TMEM150C: variants seen among roughly 807,000 people sequenced by gnomAD.
TMEM150C encodes the protein transmembrane protein 150C, also known as tentonin 3.
TMEM150C carries 10 observed loss-of-function variants against 29.9 expected under a neutral mutation model. That is an observed-to-expected ratio of 0.33 (90% CI 0.21 to 0.57). TMEM150C has a LOEUF of 0.57. TMEM150C is among the 20% of genes least tolerant of loss of function. The pLI, the probability that TMEM150C is intolerant of heterozygous loss-of-function variation, is 0.88. For missense variants in TMEM150C, 251 were observed against 303.6 expected, an observed-to-expected ratio of 0.83 and a Z score of 1.29; for synonymous variants, 101 against 112.5, an observed-to-expected ratio of 0.90 and a Z score of 0.64.
intron 1 of TMEM150C, among the ~76,000 whole-genome samples, chr4:82,516,682 A>G (rs1309961472): frequency 6.6e-6 from 1 of 152,200 alleles, no homozygotes; most frequent in Non-Finnish European, 1.5e-5. Flanking sequence ...AGAAGGTAAA[A>G]CTGCAGATCT....
intron 1 of TMEM150C, among the ~76,000 whole-genome samples, chr4:82,549,561 G>C (rs1725501868): frequency 6.6e-6 from 1 of 152,134 alleles, no homozygotes; most frequent in African/African-American, 2.4e-5. Flanking sequence ...TAATATACTT[G>C]GGACTACGGA....
At chr4:82,550,149 T>C (rs1725520688) in intron 1 of TMEM150C, among the ~76,000 whole-genome samples, 1 of 152,176 alleles carries the variant, frequency 6.6e-6, no homozygotes, top group Non-Finnish European at 1.5e-5. Flanking sequence ...AGAGGGCAGT[T>C]TCCCCATGCT....
chr4:82,495,925 T>C, intron 6 of TMEM150C, 143 bp downstream of exon 6: 1 of 1,052,242 alleles, frequency 9.5e-7, no homozygotes, highest in Non-Finnish European at 1.4e-6. Context: ...CGAGTTGCCA[T>C]GGAAAAGAGT....
intron 3 of TMEM150C, 64 bp from the exon 4 acceptor site, chr4:82,502,991 C>A: frequency 6.2e-7 from 1 of 1,601,662 alleles, no homozygotes; most frequent in South Asian, 1.1e-5. Flanking sequence ...TGCAGTTTAA[C>A]CTTCCCAGTG....
chr4:82,509,093 G>T (rs187686966), intron 1 of TMEM150C, among the ~76,000 whole-genome samples: 2 of 152,236 alleles, frequency 1.3e-5, no homozygotes, highest in African/African-American at 2.4e-5. Flanking sequence ...TATTTCTGTC[G>T]CATGTTCTTT....
intron 7 of TMEM150C, among the ~76,000 whole-genome samples, chr4:82,487,492 C>A (rs987141336): frequency 6.6e-6 from 1 of 152,170 alleles, no homozygotes; most frequent in Non-Finnish European, 1.5e-5. Flanking sequence ...TCTGCACACT[C>A]TTTTGAACAA....
intron 6 of TMEM150C, chr4:82,490,787 T>C: frequency 2.3e-6 from 1 of 429,412 alleles, no homozygotes; most frequent in Non-Finnish European, 4.4e-6. Context: ...ATTACTTTAA[T>C]TGTTTTTTAA....
At chr4:82,506,129 GT>G in intron 1 of TMEM150C, among the ~76,000 whole-genome samples, 1 of 152,108 alleles carries the variant, frequency 6.6e-6, no homozygotes, top group African/African-American at 2.4e-5. Flanking sequence ...TTGTTTACTG[GT>G]TTGAACCAGC....
chr4:82,492,375 G>A (rs900944451), intron 6 of TMEM150C, among the ~76,000 whole-genome samples: 10 of 151,782 alleles, frequency 6.6e-5, no homozygotes, highest in African/African-American at 1.5e-4. Context: ...TGATCCACCC[G>A]CCTCAGCCTC....
At chr4:82,516,137 G>A (rs1724288882) in intron 1 of TMEM150C, among the ~76,000 whole-genome samples, 1 of 152,150 alleles carries the variant, frequency 6.6e-6, no homozygotes, top group Admixed American at 6.5e-5. Context: ...GGCCCAGAAA[G>A]TTCAAGAGAT....
chr4:82,491,170 C>A (rs1206903713), intron 6 of TMEM150C: 1 of 699,164 alleles, frequency 1.4e-6, no homozygotes, highest in Non-Finnish European at 2.6e-6. Context: ...ACCAGCTGAG[C>A]CTTTTTGTTT....
At chr4:82,536,996 T>A (rs879713282) in intron 1 of TMEM150C, among the ~76,000 whole-genome samples, 11 of 152,142 alleles carry the variant, frequency 7.2e-5, no homozygotes, top group African/African-American at 1.4e-4. Context: ...TATTATTATT[T>A]TTTGAGACTG....
At chr4:82,546,059 T>A (rs1377873400) in intron 1 of TMEM150C, among the ~76,000 whole-genome samples, 1 of 152,116 alleles carries the variant, frequency 6.6e-6, no homozygotes, top group Non-Finnish European at 1.5e-5. Context: ...TAAGGAGAAC[T>A]ACAAAATACT....
chr4:82,550,807 G>A (rs867289774), intron 1 of TMEM150C, among the ~76,000 whole-genome samples: 2 of 151,636 alleles, frequency 1.3e-5, no homozygotes, highest in South Asian at 4.2e-4. Flanking sequence ...AAAAAAGAAA[G>A]AAAGAAAGAA....
At chr4:82,554,827 A>G (rs553777284) in intron 1 of TMEM150C, among the ~76,000 whole-genome samples, 2 of 152,342 alleles carry the variant, frequency 1.3e-5, no homozygotes, top group East Asian at 3.9e-4. Flanking sequence ...CCCACTTTCA[A>G]TGTTTTCTCA....
At chr4:82,503,646 C>T (rs1261099382) in intron 2 of TMEM150C, among the ~76,000 whole-genome samples, 4 of 151,966 alleles carry the variant, frequency 2.6e-5, no homozygotes, top group East Asian at 1.9e-4. Flanking sequence ...GTCAGGAGAT[C>T]GAGACCATCC....
In TMEM150C at chr4:82,524,704, G is replaced by A. The variant is rs1724598539; in HGVS notation, c.-10-20037C>T. Among the ~76,000 whole-genome samples, 2 of 152,186 alleles carry A rather than the reference G, an allele frequency of 1.3e-5. 1 individual carries two copies. The highest frequency in any genetic ancestry group is 4.1e-4 in the South Asian group (2 of 4,832). ...GACTCTAACCTGAAGGCATCTAGAG[G>A]AGGAGACAGACACAATTACGTAATC... On this transcript the variant is annotated intron_variant, in intron 1 of 7. Coordinates refer to ENST00000449862, the MANE Select transcript of TMEM150C (RefSeq NM_001080506.3).
intron 5 of TMEM150C, among the ~76,000 whole-genome samples, chr4:82,500,815 T>A (rs370746921): frequency 1.3e-5 from 2 of 152,278 alleles, no homozygotes; most frequent in Admixed American, 6.5e-5. Context: ...TGGCTTCCAA[T>A]GTGCTCACTG....
At chr4:82,514,482 A>T (rs1421187072) in intron 1 of TMEM150C, among the ~76,000 whole-genome samples, 1 of 152,196 alleles carries the variant, frequency 6.6e-6, no homozygotes, top group Non-Finnish European at 1.5e-5. Flanking sequence ...ATGGATTTTC[A>T]GGCAGTGCAT....
Sources: gnomAD v4.1 joint callset for allele counts (sites outside exome capture counted in the v4.1 genomes callset) on GRCh38, gnomAD v4.1.1 for gene constraint, MANE v1.5 for transcripts, NCBI Gene and HGNC (gene_info 2026-07-23, HGNC 2026-07-21) for gene names.